The following PLIN2 variants were observed in gnomAD, a reference collection of about 807,000 sequenced individuals.
PLIN2 encodes perilipin 2.
A neutral mutation model predicts 30.6 loss-of-function variants in PLIN2; 33 were observed. The ratio of observed to expected loss-of-function variants is 1.08; its 90% CI spans 0.82 to 1.44. The LOEUF (loss-of-function observed/expected upper bound fraction) is 1.44, where lower values mean the gene tolerates loss of function less well. Ranked by LOEUF, PLIN2 falls within the 40% of genes most tolerant of loss-of-function variation. The probability of loss-of-function intolerance (pLI) is 0.00; values close to 1 mark genes in which losing one functional copy is unlikely to be tolerated. For missense variants in PLIN2, 610 were observed against 531.8 expected (o/e 1.15, Z -1.45); for synonymous variants, 205 against 201.1 (o/e 1.02, Z -0.16).
At chr9:19,118,018 A>T (rs1818257256) in intron 7 of PLIN2, among the ~76,000 whole-genome samples, 1 of 152,180 alleles carries the variant, frequency 6.6e-6, no homozygotes. Flanking sequence ...TTAAAAAGGC[A>T]CAAAATAGGA....
Position 19,126,265 on chromosome 9 carries a change from C to T in PLIN2, c.75G>A (p.Thr25=). 7 of 1,614,112 alleles carry T rather than the reference C, an allele frequency of 4.3e-6. No homozygotes were observed. Among genetic ancestry groups the T allele is most frequent in the South Asian group, 2.2e-5 (2 of 91,072 alleles). Residue 25 remains threonine (T), a synonymous_variant, in exon 3 of 8, where the codon ACG becomes ACA. Transcript: ENST00000276914. ...GATAGGCTGAGGACATGAGGTCATACGTGGAGCTCACCAAGGGCAGGTTGA... is the reference window on the plus strand; with the variant it reads ...GATAGGCTGAGGACATGAGGTCATATGTGGAGCTCACCAAGGGCAGGTTGA... ...RVVNLPLVSS[T]YDLMSSAYLS...
At chr9:19,109,274 G>T (rs764149736) in intron 2 of PLIN2, among the ~76,000 whole-genome samples, 1 of 152,096 alleles carries the variant, frequency 6.6e-6, no homozygotes. Flanking sequence ...GAAAATTAAG[G>T]CCAGCTGCAG....
intron 6 of PLIN2, among the ~76,000 whole-genome samples, chr9:19,119,022 A>T (rs1333965682): frequency 6.6e-6 from 1 of 152,212 alleles, no homozygotes; most frequent in Non-Finnish European, 1.5e-5. Context: ...GTACATGAGT[A>T]AAGGATAAGT....
rs1564032704 is a variant in PLIN2, at chr9:19,126,445, A to G, written c.-19T>C. 3.8e-6 allele frequency: 6 copies of G among 1,597,336 alleles called. No individual in the cohort carries two copies. The highest frequency in any genetic ancestry group is 5.1e-6 in the Non-Finnish European group (6 of 1,165,752). On this transcript the variant is annotated 5_prime_UTR_variant, in exon 2 of 8. Coordinates refer to ENST00000276914, the MANE Select transcript of PLIN2 (RefSeq NM_001122.4). ...ATGCCATTTTTCTTCCTGGAGAAAG[A>G]AATCTGCAGAAAAGAGACTTATTTC...
chr9:19,126,310 C>G lies in PLIN2; in HGVS notation c.31-1G>C, dbSNP rs764016600. The G allele has an allele frequency of 1.9e-6, 3 of 1,613,736 alleles. No individual in the cohort carries two copies. Among genetic ancestry groups the G allele is most frequent in the East Asian group, 2.2e-5 (1 of 44,870 alleles). On this transcript the variant is annotated splice_acceptor_variant, in intron 2 of 7. Coordinates refer to ENST00000276914, the MANE Select transcript of PLIN2 (RefSeq NM_001122.4). LOFTEE classifies it high-confidence loss of function. ...GGTTGACCACCCGAGTCACCACACT[C>G]TGCAATCAAAGTAGGGAGGGTATGC...
intron 2 of PLIN2, among the ~76,000 whole-genome samples, chr9:19,109,587 C>T (rs530017141): frequency 1.4e-5 from 2 of 147,694 alleles, no homozygotes; most frequent in African/African-American, 2.5e-5. Context: ...TAACATAAAA[C>T]GTATTACCAA....
At chr9:19,110,469 G>T (rs7042382) in intron 2 of PLIN2, among the ~76,000 whole-genome samples, 116,830 of 149,646 alleles carry the variant, frequency 0.78, 44,974 homozygotes, top group Middle Eastern at 0.83. Flanking sequence ...ATTGGATTTC[G>T]TTTTGTTTTG....
At chr9:19,114,214 C>T (rs1384677201), downstream of PLIN2, among the ~76,000 whole-genome samples, 1 of 152,038 alleles carries the variant, frequency 6.6e-6, no homozygotes, top group African/African-American at 2.4e-5. Flanking sequence ...CGTGCCTGGT[C>T]GATAAAAAAC....
intron 2 of PLIN2, among the ~76,000 whole-genome samples, chr9:19,110,454 T>G (rs1182902214): frequency 6.6e-6 from 1 of 151,934 alleles, no homozygotes; most frequent in East Asian, 1.9e-4. Flanking sequence ...AATGGAAATT[T>G]TGACATTGGA....
intron 2 of PLIN2, 23 bp downstream of exon 2, chr9:19,126,374 C>G (rs151198176): frequency 1.2e-6 from 2 of 1,613,858 alleles, no homozygotes; most frequent in Non-Finnish European, 1.7e-6. Context: ...AGAAAGTAGA[C>G]AAAGGCTACT....
chr9:19,109,061 C>G (rs1818126206), intron 2 of PLIN2, among the ~76,000 whole-genome samples: 1 of 152,138 alleles, frequency 6.6e-6, no homozygotes, highest in Non-Finnish European at 1.5e-5. Context: ...TAATACCCCA[C>G]TTTTCCATAA....
chr9:19,116,106 A>T lies in PLIN2; in HGVS notation c.*142T>A. ...TAATGCCAGAAACTTTAAAGCTCTTAATTCAGCTGGAAACAACTACAATTG... is the reference window on the plus strand; with the variant it reads ...TAATGCCAGAAACTTTAAAGCTCTTTATTCAGCTGGAAACAACTACAATTG... On this transcript the variant is annotated 3_prime_UTR_variant, in exon 8 of 8. Coordinates refer to ENST00000276914, the MANE Select transcript of PLIN2 (RefSeq NM_001122.4). 1 of 700,798 alleles carries T rather than the reference A, an allele frequency of 1.4e-6. No individual in the cohort carries two copies. 43.4% of individuals were successfully genotyped at this position (700,798 alleles called of 1,614,324 possible). A position where few individuals can be genotyped will look rare whatever the true frequency, so the allele number is the denominator to read the frequency against.
intron 3 of PLIN2, among the ~76,000 whole-genome samples, chr9:19,124,548 C>T (rs1818367643): frequency 6.6e-6 from 1 of 152,134 alleles, no homozygotes; most frequent in South Asian, 2.1e-4. Flanking sequence ...AAGTCCCTGG[C>T]TTAACCATTT....
intron 7 of PLIN2, among the ~76,000 whole-genome samples, chr9:19,117,187 G>A (rs1344279095): frequency 6.6e-6 from 1 of 151,144 alleles, no homozygotes; most frequent in Non-Finnish European, 1.5e-5. Context: ...CTGAGACAGG[G>A]TCTCAGTCTG....
chr9:19,113,507 T>A (rs1490417180), downstream of PLIN2, among the ~76,000 whole-genome samples: 1 of 151,200 alleles, frequency 6.6e-6, no homozygotes, highest in East Asian at 1.9e-4. Flanking sequence ...CCACCTACTC[T>A]CCAACTCAAC....
chr9:19,109,862 A>C (rs1259426445), intron 2 of PLIN2, among the ~76,000 whole-genome samples: 2 of 151,930 alleles, frequency 1.3e-5, no homozygotes, highest in African/African-American at 2.4e-5. Context: ...AGGCTGAGGC[A>C]GGAGAATTAC....
At chr9:19,124,307 C>T (rs546966845) in intron 3 of PLIN2, among the ~76,000 whole-genome samples, 1 of 152,182 alleles carries the variant, frequency 6.6e-6, no homozygotes, top group East Asian at 1.9e-4. Flanking sequence ...CTCTCAAAAT[C>T]GGCATTCCCA....
At chr9:19,121,200 G>C in intron 4 of PLIN2, 35 bp from the exon 5 acceptor site, 1 of 1,600,524 alleles carries the variant, frequency 6.2e-7, no homozygotes, top group Non-Finnish European at 8.6e-7. Flanking sequence ...TGGCTGGTGA[G>C]AAAAATGAGC....
chr9:19,122,545 CTA>C (rs200491678), intron 4 of PLIN2, among the ~76,000 whole-genome samples: 56 of 62,212 alleles, frequency 9.0e-4, no homozygotes, highest in South Asian at 2.1e-3. Context: ...ATATAGCAGG[CTA>C]TACACCATAT....
Sources: allele counts gnomAD v4.1 joint callset (sites outside exome capture counted in the v4.1 genomes callset), GRCh38; gene constraint gnomAD v4.1.1; transcripts MANE v1.5; gene names NCBI Gene and HGNC (gene_info 2026-07-23, HGNC 2026-07-21).